Variants in JAM3 observed in about 807,000 individuals in gnomAD.
JAM3 encodes the protein junctional adhesion molecule C.
In JAM3, 31 loss-of-function variants were observed where a neutral mutation model predicts 39.4. That is an observed-to-expected ratio of 0.79 (90% CI 0.59 to 1.06). JAM3 has a LOEUF of 1.06. JAM3 is among the 50% of genes least tolerant of loss of function. The pLI is 0.00. For synonymous variants in JAM3, 182 were observed against 148.7 expected, an observed-to-expected ratio of 1.22 and a Z score of -1.63; for missense variants, 455 against 391.4, an observed-to-expected ratio of 1.16 and a Z score of -1.37.
intron 1 of JAM3, among the ~76,000 whole-genome samples, chr11:134,117,102 CT>C (rs1208204406): frequency 6.6e-6 from 1 of 151,834 alleles, no homozygotes; most frequent in Non-Finnish European, 1.5e-5. Flanking sequence ...TGGCTCATGC[CT>C]GTAATCCCAG....
intron 1 of JAM3, among the ~76,000 whole-genome samples, chr11:134,095,274 T>C (rs998111559): frequency 2.6e-5 from 4 of 152,198 alleles, no homozygotes; most frequent in African/African-American, 9.7e-5. Flanking sequence ...TCTGTTTGCA[T>C]GTACTAATGC....
intron 6 of JAM3, 127 bp from the exon 7 acceptor site, chr11:134,148,419 TG>T: frequency 9.3e-7 from 1 of 1,069,592 alleles, no homozygotes; most frequent in Non-Finnish European, 1.4e-6. Flanking sequence ...CTCTTCTAGC[TG>T]GGGTAGGCCT....
At chr11:134,128,981 G>T (rs1252449339) in intron 1 of JAM3, among the ~76,000 whole-genome samples, 1 of 152,142 alleles carries the variant, frequency 6.6e-6, no homozygotes, top group South Asian at 2.1e-4. Context: ...TAGTACTGCA[G>T]GCTGGGAAGT....
intron 1 of JAM3, among the ~76,000 whole-genome samples, chr11:134,091,498 CTAAA>C (rs1434612935): frequency 6.7e-6 from 1 of 148,838 alleles, no homozygotes; most frequent in Non-Finnish European, 1.5e-5. Context: ...GACTCCATCT[CTAAA>C]TAAATAGATA....
At position 134,109,595 on chromosome 11, in the gene JAM3, A is replaced by G. The variant is rs913263327; in HGVS notation, c.77-30256A>G. ...GAACTTTATTTTGCCAAGGTTAAGG[A>G]CATGCCCGGAAGAATAAAACATGGA... On this transcript the variant is annotated intron_variant, in intron 1 of 8. Transcript: ENST00000299106. 4.6e-5 allele frequency among the ~76,000 whole-genome samples: 7 copies of G among 152,216 alleles called. No homozygotes were observed. In the East Asian group the frequency reaches 9.6e-4, roughly 21 times the overall value.
intron 1 of JAM3, among the ~76,000 whole-genome samples, chr11:134,101,737 A>T (rs192999695): frequency 6.6e-6 from 1 of 152,126 alleles, no homozygotes; most frequent in African/African-American, 2.4e-5. Flanking sequence ...TCCAGTTTTT[A>T]TCGAGTGCTA....
intron 1 of JAM3, among the ~76,000 whole-genome samples, chr11:134,134,217 A>G (rs561478739): frequency 3.3e-5 from 5 of 152,230 alleles, no homozygotes; most frequent in Admixed American, 3.3e-4. Flanking sequence ...AAAAAATGGA[A>G]CAGAATATAC....
intron 1 of JAM3, among the ~76,000 whole-genome samples, chr11:134,085,368 A>G (rs1429504033): frequency 6.6e-6 from 1 of 152,234 alleles, no homozygotes; most frequent in Non-Finnish European, 1.5e-5. Context: ...TCCTAGGCAG[A>G]TTACAAAATC....
At position 134,144,948 on chromosome 11, in the gene JAM3, G is replaced by C. The variant is rs1943044244; in HGVS notation, c.566G>C (p.Arg189Thr). ...CCCACGGATTCCAGAGCCAATCCCA[G>C]ATTTCGCAATTCTTCTTTCCACTTA... ...PLPTDSRANP[R>T]FRNSSFHLNS... Residue 189 changes from arginine (R) to threonine (T), a missense_variant, in exon 5 of 9, where the codon AGA becomes ACA. Physicochemically the swap from Arg to Thr is moderately conservative, Grantham distance 71. Coordinates refer to ENST00000299106, the MANE Select transcript of JAM3 (RefSeq NM_032801.5). 6.2e-7 allele frequency: 1 copy of C among 1,614,210 alleles called. No individual in the cohort carries two copies. Among genetic ancestry groups the C allele is most frequent in the East Asian group, 2.2e-5 (1 of 44,880 alleles).
intron 1 of JAM3, chr11:134,070,231 T>C (rs1344724210): frequency 2.2e-6 from 1 of 456,178 alleles, no homozygotes; most frequent in Admixed American, 2.3e-5. Flanking sequence ...CAACTTCATA[T>C]TTACCTAAAG....
At chr11:134,134,439 A>G (rs1430985001) in intron 1 of JAM3, among the ~76,000 whole-genome samples, 2 of 151,046 alleles carry the variant, frequency 1.3e-5, no homozygotes, top group East Asian at 1.9e-4. Flanking sequence ...GGCATATCAT[A>G]ATCACACTGC....
chr11:134,115,032 G>A (rs980363471), intron 1 of JAM3, among the ~76,000 whole-genome samples: 1 of 152,068 alleles, frequency 6.6e-6, no homozygotes, highest in Admixed American at 6.5e-5. Context: ...CTGTTACTAG[G>A]TACATACATG....
Position 134,149,814 on chromosome 11 carries a change from C to G in JAM3, c.*633C>G. 5.3e-6 allele frequency: 2 copies of G among 375,706 alleles called. No individual in the cohort carries two copies. The highest frequency in any genetic ancestry group is 4.1e-5 in the South Asian group (2 of 49,264). 23.3% of individuals were successfully genotyped at this position (375,706 alleles called of 1,614,324 possible). Reference sequence around the variant, plus strand: ...GAAGAGGGATCTTGCCTGAGGAACCCTGCTTGTCCAACAGGGTGTCAGGAT... The same window carrying G: ...GAAGAGGGATCTTGCCTGAGGAACCGTGCTTGTCCAACAGGGTGTCAGGAT... On this transcript the variant is annotated 3_prime_UTR_variant, in exon 9 of 9. Coordinates refer to ENST00000299106, the MANE Select transcript of JAM3 (RefSeq NM_032801.5).
At chr11:134,144,476 C>T (rs1309597194) in intron 4 of JAM3, 83 bp downstream of exon 4, 2 of 1,519,464 alleles carry the variant, frequency 1.3e-6, no homozygotes, top group East Asian at 4.5e-5. Context: ...CCTTCTAGAA[C>T]TGTATCCCTG....
At chr11:134,147,712 C>CT (rs1943104340) in intron 6 of JAM3, 2 of 125,106 alleles carry the variant, frequency 1.6e-5, no homozygotes, top group Admixed American at 1.5e-4. Context: ...GGTCTCGAAT[C>CT]TCTGACCTCG....
At chr11:134,069,626 C>T (rs1941455720) in intron 1 of JAM3, among the ~76,000 whole-genome samples, 1 of 152,046 alleles carries the variant, frequency 6.6e-6, no homozygotes, top group African/African-American at 2.4e-5. Context: ...GTGGACCCCT[C>T]CCGGGCGGTG....
intron 1 of JAM3, among the ~76,000 whole-genome samples, chr11:134,115,962 A>G (rs1016301491): frequency 6.6e-6 from 1 of 152,190 alleles, no homozygotes; most frequent in Non-Finnish European, 1.5e-5. Flanking sequence ...CCTTCTCATC[A>G]TATCAAAGGG....
intron 1 of JAM3, among the ~76,000 whole-genome samples, chr11:134,137,593 C>G (rs140407374): frequency 1.3e-5 from 2 of 152,186 alleles, no homozygotes; most frequent in East Asian, 3.9e-4. Context: ...GGTGGTGCCT[C>G]GTCGAAGTCA....
At chr11:134,074,745 A>T (rs1202680665) in intron 1 of JAM3, among the ~76,000 whole-genome samples, 1 of 152,138 alleles carries the variant, frequency 6.6e-6, no homozygotes, top group Non-Finnish European at 1.5e-5. Flanking sequence ...AGCCCCTGGA[A>T]GATCTCTGTT....
Sources: gnomAD v4.1 joint callset for allele counts (sites outside exome capture counted in the v4.1 genomes callset) on GRCh38, gnomAD v4.1.1 for gene constraint, MANE v1.5 for transcripts, NCBI Gene and HGNC (gene_info 2026-07-23, HGNC 2026-07-21) for gene names.